Variants in TFR2 observed in about 807,000 individuals in gnomAD.
TFR2 encodes the protein transferrin receptor 2.
A neutral mutation model predicts 91.9 loss-of-function variants in TFR2; 64 were observed. The observed-to-expected ratio is 0.70, with a 90% CI of 0.57 to 0.86. TFR2 has a LOEUF of 0.86. TFR2 is among the 40% of genes least tolerant of loss of function. The pLI, the probability that TFR2 is intolerant of heterozygous loss-of-function variation, is 0.00. For synonymous variants in TFR2, 454 were observed against 459.6 expected (o/e 0.99, Z 0.15); for missense variants, 950 against 1,080.5 (o/e 0.88, Z 1.69).
At chr7:100,629,775 T>C (rs933995843) in intron 9 of TFR2, among the ~76,000 whole-genome samples, 1 of 152,186 alleles carries the variant, frequency 6.6e-6, no homozygotes, top group African/African-American at 2.4e-5. Context: ...TTTTGGAGTC[T>C]CGCTCTGTTG....
chr7:100,624,316 A>G (rs535694429), intron 17 of TFR2, among the ~76,000 whole-genome samples: 13 of 152,204 alleles, frequency 8.5e-5, no homozygotes, highest in Admixed American at 2.0e-4. Context: ...TTTCACTGCC[A>G]CACCCGAATT....
In TFR2 at chr7:100,626,749, G is replaced by A. The variant is rs1803262909; in HGVS notation, c.2136+14C>T. The stretch of plus-strand genomic sequence containing the variant: ...CGGGACACTGGGGGCGGGGCGAGGA[G>A]GGCGGGGCCTCACCCGCATTATGCG... On this transcript the variant is annotated intron_variant, in intron 17 of 17. Coordinates refer to ENST00000223051, the MANE Select transcript of TFR2 (RefSeq NM_003227.4). 1 of 1,540,646 alleles carries A rather than the reference G, an allele frequency of 6.5e-7. No individual in the cohort carries two copies. The highest frequency in any genetic ancestry group is 1.2e-5 in the South Asian group (1 of 83,994).
chr7:100,641,187 A>T lies in TFR2; in HGVS notation c.75T>A (p.Arg25=), dbSNP rs2131327950. 6.6e-7 allele frequency: 1 copy of T among 1,520,320 alleles called. No individual in the cohort carries two copies. Among genetic ancestry groups the T allele is most frequent in the Non-Finnish European group, 8.8e-7 (1 of 1,132,858 alleles). The allele number at this position is 1,520,320 out of a possible 1,614,324, so 94.2% of individuals were successfully genotyped here. The change falls in exon 2 of 18, where the codon CGT becomes CGA. Residue 25 remains arginine, a synonymous_variant. Coordinates refer to ENST00000223051, the MANE Select transcript of TFR2 (RefSeq NM_003227.4). ...SPRSSQTVYQ[R]VEGPRKGHLE... ...GGTGCCCTTTCCGGGGGCCTTCCACACGCTGGTAGACGGTCTGAGAGGATC... is the reference window on the plus strand; with the variant it reads ...GGTGCCCTTTCCGGGGGCCTTCCACTCGCTGGTAGACGGTCTGAGAGGATC...
Position 100,620,560 on chromosome 7 carries a change from A to G in TFR2, c.*297T>C, listed in dbSNP as rs1278721747. ...GGTCCCAGGGCCTAGCAAACCTCCC[A>G]GAGTGGTCTCTAGGTATGGAGGACC... On this transcript the variant is annotated 3_prime_UTR_variant, in exon 18 of 18. Transcript: ENST00000223051. 4 of 360,622 alleles carry G rather than the reference A, an allele frequency of 1.1e-5. No individual in the cohort carries two copies. Among genetic ancestry groups the G allele is most frequent in the African/African-American group, 6.2e-5 (3 of 48,520 alleles). The allele number at this position is 360,622 out of a possible 1,614,324, so 22.3% of individuals were successfully genotyped here.
chr7:100,630,847 A>G, intron 9 of TFR2, 42 bp downstream of exon 9: 1 of 1,611,188 alleles, frequency 6.2e-7, no homozygotes, highest in Non-Finnish European at 8.5e-7. Flanking sequence ...AAATTCCCCC[A>G]GCCCACCACC....
intron 16 of TFR2, 80 bp from the exon 17 acceptor site, chr7:100,626,983 A>G: frequency 6.7e-7 from 1 of 1,483,734 alleles, no homozygotes; most frequent in Non-Finnish European, 8.9e-7. Flanking sequence ...ACCCCCGCCT[A>G]GCATGGGGAA....
chr7:100,640,446 A>C, intron 3 of TFR2: 1 of 575,276 alleles, frequency 1.7e-6, no homozygotes, highest in Non-Finnish European at 3.1e-6. Flanking sequence ...CTGATCTCAG[A>C]CAGTCAGCTC....
chr7:100,638,771 A>G (rs1359519624), intron 3 of TFR2, among the ~76,000 whole-genome samples: 3 of 142,698 alleles, frequency 2.1e-5, no homozygotes, highest in African/African-American at 8.0e-5. Context: ...AAAAAAAAAA[A>G]TAGCCGGGCA....
chr7:100,640,960 G>A lies in TFR2; in HGVS notation c.286+16C>T, dbSNP rs751298741. 1 of 1,612,716 alleles carries A rather than the reference G, an allele frequency of 6.2e-7. No individual in the cohort carries two copies. Among genetic ancestry groups the A allele is most frequent in the African/African-American group, 1.3e-5 (1 of 75,034 alleles). On this transcript the variant is annotated intron_variant, in intron 2 of 17. Transcript: ENST00000223051. Reference sequence around the variant, plus strand: ...AGCCCAAGCCCTTCACTTCTGGGGAGGGGGACGGCTCTCACCCCCAGTGAA... The same window carrying A: ...AGCCCAAGCCCTTCACTTCTGGGGAAGGGGACGGCTCTCACCCCCAGTGAA...
At chr7:100,636,642 T>C (rs2131324021) in intron 3 of TFR2, among the ~76,000 whole-genome samples, 1 of 152,216 alleles carries the variant, frequency 6.6e-6, no homozygotes, top group Non-Finnish European at 1.5e-5. Flanking sequence ...AATCCTACTC[T>C]CTGAGTAGAC....
intron 16 of TFR2, 108 bp downstream of exon 16, chr7:100,627,156 C>T (rs1803285817): frequency 2.2e-6 from 3 of 1,349,038 alleles, no homozygotes; most frequent in Non-Finnish European, 3.1e-6. Flanking sequence ...GGCTGGATTG[C>T]CAGAGAGGAC....
intron 3 of TFR2, among the ~76,000 whole-genome samples, chr7:100,637,853 T>C (rs1803604853): frequency 6.7e-6 from 1 of 149,510 alleles, no homozygotes; most frequent in African/African-American, 2.5e-5. Flanking sequence ...TTTTTTGAGA[T>C]GGAGTTTCAC....
At position 100,641,542 on chromosome 7, in the gene TFR2, C is replaced by T. The variant is rs745391409; in HGVS notation, c.-33G>A. The T allele has an allele frequency of 3.1e-6, 5 of 1,612,762 alleles. No homozygotes were observed. The highest frequency in any genetic ancestry group is 4.2e-6 in the Non-Finnish European group (5 of 1,179,408). Reference sequence around the variant, plus strand: ...TCCCCTCCTGAAGCCTGCAGGCTGTCCCCCAGCGATAAACCGATAAACCGT... The same window carrying T: ...TCCCCTCCTGAAGCCTGCAGGCTGTTCCCCAGCGATAAACCGATAAACCGT... On this transcript the variant is annotated 5_prime_UTR_variant, in exon 1 of 18. Coordinates refer to ENST00000223051, the MANE Select transcript of TFR2 (RefSeq NM_003227.4).
Position 100,620,758 on chromosome 7 carries a change from A to G in TFR2, c.*99T>C. On this transcript the variant is annotated 3_prime_UTR_variant, in exon 18 of 18. Transcript: ENST00000223051. Reference sequence around the variant, plus strand: ...GGTAATGAGAAATTGATCAGCAATGAGAGGTGGACTCTGAGCCACCTCCCT... The same window carrying G: ...GGTAATGAGAAATTGATCAGCAATGGGAGGTGGACTCTGAGCCACCTCCCT... The G allele has an allele frequency of 6.6e-7, 1 of 1,515,574 alleles. No individual in the cohort carries two copies. The highest frequency in any genetic ancestry group is 9.1e-7 in the Non-Finnish European group (1 of 1,098,990). 93.9% of individuals were successfully genotyped at this position (1,515,574 alleles called of 1,614,324 possible).
In TFR2 at chr7:100,626,819, T is replaced by G; in HGVS notation, c.2080A>C (p.Ser694Arg). 1 of 1,549,522 alleles carries G rather than the reference T, an allele frequency of 6.5e-7. No homozygotes were observed. The highest frequency in any genetic ancestry group is 8.7e-7 in the Non-Finnish European group (1 of 1,146,934). ...AAEKLRQEIYSSEERDERLTR... is the reference protein window; with the variant it reads ...AAEKLRQEIYRSEERDERLTR... ...AGTCGCTCGTCTCTCTCCTCCGAGCTGTAGATCTCCTGCCGCAGCTTTTCC... is the reference window on the plus strand; with the variant it reads ...AGTCGCTCGTCTCTCTCCTCCGAGCGGTAGATCTCCTGCCGCAGCTTTTCC... Residue 694 changes from serine (S) to arginine (R), a missense_variant, in exon 17 of 18, where the codon AGC (serine) becomes CGC (arginine). Physicochemically the swap from Ser to Arg is moderately radical, Grantham distance 110. Transcript: ENST00000223051.
At position 100,641,223 on chromosome 7, in the gene TFR2, T is replaced by C. The variant is rs1462624392; in HGVS notation, c.39A>G (p.Gln13=). ...RLWGLFQRAQ[Q]LSPRSSQTVY... is the part of the protein sequence containing the mutation. ...CGGTCTGAGAGGATCTTGGGGACAGTTGTTGCTGTGCAGGCGAGGTGGGCA... is the reference window on the plus strand; with the variant it reads ...CGGTCTGAGAGGATCTTGGGGACAGCTGTTGCTGTGCAGGCGAGGTGGGCA... The change falls in exon 2 of 18, where the codon CAA becomes CAG. Residue 13 remains glutamine, a synonymous_variant. Transcript: ENST00000223051. 2 of 1,537,786 alleles carry C rather than the reference T, an allele frequency of 1.3e-6. No homozygotes were observed. The highest frequency in any genetic ancestry group is 1.8e-6 in the Non-Finnish European group (2 of 1,139,740).
At chr7:100,632,278 G>T (rs957170511) in intron 6 of TFR2, 80 bp from the exon 7 acceptor site, 14 of 1,313,916 alleles carry the variant, frequency 1.1e-5, no homozygotes, top group Admixed American at 6.7e-5. Context: ...GAAATGGCAA[G>T]GCCTTTGCTT....
At chr7:100,637,035 G>A (rs1001367156) in intron 3 of TFR2, among the ~76,000 whole-genome samples, 51 of 150,918 alleles carry the variant, frequency 3.4e-4, no homozygotes, top group African/African-American at 1.1e-3. Flanking sequence ...GGAGGCCAAG[G>A]TAGGAGGATT....
At chr7:100,630,792 G>A in intron 9 of TFR2, 97 bp downstream of exon 9, 1 of 1,562,306 alleles carries the variant, frequency 6.4e-7, no homozygotes, top group South Asian at 1.1e-5. Flanking sequence ...TCCCCTCTTG[G>A]GGCCTCCTGC....
Sources: allele counts gnomAD v4.1 joint callset (sites outside exome capture counted in the v4.1 genomes callset), GRCh38; gene constraint gnomAD v4.1.1; transcripts MANE v1.5; gene names NCBI Gene and HGNC (gene_info 2026-07-23, HGNC 2026-07-21).